ANGPT1: variants seen among roughly 807,000 people sequenced by gnomAD.
ANGPT1 encodes angiopoietin-1.
A neutral mutation model predicts 62.2 loss-of-function variants in ANGPT1; 17 were observed. The ratio of observed to expected loss-of-function variants is 0.27; its 90% CI spans 0.19 to 0.41. The LOEUF (loss-of-function observed/expected upper bound fraction) is 0.41. Ranked by LOEUF, ANGPT1 falls within the 10% of genes least tolerant of loss-of-function variation. The pLI is 1.00. For synonymous variants in ANGPT1, 199 were observed against 198.9 expected (o/e 1.00, Z 0.00); for missense variants, 478 against 594.9 (o/e 0.80, Z 2.04).
At chr8:107,479,145 T>C (rs1812612543) in intron 1 of ANGPT1, among the ~76,000 whole-genome samples, 1 of 152,016 alleles carries the variant, frequency 6.6e-6, no homozygotes, top group African/African-American at 2.4e-5. Flanking sequence ...TCCAGATTTT[T>C]TTTTTGTTTT....
chr8:107,370,407 A>AGAAAGAAG lies in ANGPT1; in HGVS notation c.298-23311_298-23310insCTTCTTTC, dbSNP rs149930759. 1.5e-4 allele frequency among the ~76,000 whole-genome samples: 11 copies of AGAAAGAAG among 71,940 alleles called. 3 individuals are homozygous for AGAAAGAAG. The highest frequency in any genetic ancestry group is 5.2e-4 in the African/African-American group (11 of 21,004). 47.2% of individuals were successfully genotyped at this position (71,940 alleles called of 152,430 possible). A position where few individuals can be genotyped will look rare whatever the true frequency, so the allele number is the denominator to read the frequency against. On this transcript the variant is annotated intron_variant, in intron 1 of 8. Transcript: ENST00000517746. ...AAGAAAGAAAGAAAGAAAGAAAGAA[A>AGAAAGAAG]GAGTCAGGGTCAGTGGCTCAGGCCT...
At chr8:107,325,651 T>C (rs769938366) in intron 3 of ANGPT1, among the ~76,000 whole-genome samples, 2 of 152,170 alleles carry the variant, frequency 1.3e-5, no homozygotes, top group Non-Finnish European at 2.9e-5. Flanking sequence ...CTGTAAAATA[T>C]AAAATGACAC....
At chr8:107,466,683 C>T (rs372793522) in intron 1 of ANGPT1, among the ~76,000 whole-genome samples, 15 of 151,896 alleles carry the variant, frequency 9.9e-5, no homozygotes, top group African/African-American at 2.9e-4. Context: ...AGAAAGAGGC[C>T]GGTGGATCAC....
At chr8:107,462,538 C>T (rs1287058033) in intron 1 of ANGPT1, among the ~76,000 whole-genome samples, 1 of 151,904 alleles carries the variant, frequency 6.6e-6, no homozygotes, top group African/African-American at 2.4e-5. Flanking sequence ...GGCACACATA[C>T]TTCATGTCAC....
At chr8:107,405,468 A>G (rs542865336) in intron 1 of ANGPT1, among the ~76,000 whole-genome samples, 3 of 152,092 alleles carry the variant, frequency 2.0e-5, no homozygotes, top group Non-Finnish European at 4.4e-5. Flanking sequence ...TCCACATCTG[A>G]CCTCATGTGA....
intron 2 of ANGPT1, among the ~76,000 whole-genome samples, chr8:107,342,141 C>T (rs925789212): frequency 2.0e-5 from 3 of 152,220 alleles, no homozygotes; most frequent in African/African-American, 7.2e-5. Context: ...TTGCAGTAGA[C>T]TGCTTCTGTT....
At chr8:107,452,860 TTAG>T (rs1480696778) in intron 1 of ANGPT1, among the ~76,000 whole-genome samples, 1 of 152,068 alleles carries the variant, frequency 6.6e-6, no homozygotes, top group Non-Finnish European at 1.5e-5. Context: ...TGTTTTTTGC[TTAG>T]TCTTCCTCAT....
At chr8:107,353,776 G>C (rs17369459) in intron 1 of ANGPT1, among the ~76,000 whole-genome samples, 1,719 of 152,298 alleles carry the variant, frequency 0.011, 22 homozygotes, top group Middle Eastern at 0.02. Context: ...CAGGTACAAA[G>C]AGTTGAGTCT....
At chr8:107,449,305 A>C (rs979762612) in intron 1 of ANGPT1, among the ~76,000 whole-genome samples, 2 of 151,884 alleles carry the variant, frequency 1.3e-5, no homozygotes, top group South Asian at 4.1e-4. Flanking sequence ...AACCTATTTA[A>C]TGAACTATGT....
chr8:107,397,797 T>C (rs1816965134), intron 1 of ANGPT1, among the ~76,000 whole-genome samples: 1 of 152,152 alleles, frequency 6.6e-6, no homozygotes, highest in African/African-American at 2.4e-5. Context: ...GTCATATTAT[T>C]AGCTCTCAAT....
At chr8:107,270,964 T>A (rs1813720052) in intron 7 of ANGPT1, among the ~76,000 whole-genome samples, 1 of 152,022 alleles carries the variant, frequency 6.6e-6, no homozygotes, top group African/African-American at 2.4e-5. Context: ...AAAAACATTT[T>A]AAAAATATAC....
At chr8:107,302,936 C>T (rs373942521) in intron 5 of ANGPT1, among the ~76,000 whole-genome samples, 12 of 151,928 alleles carry the variant, frequency 7.9e-5, no homozygotes, top group East Asian at 3.9e-4. Context: ...CATAGACTCA[C>T]GGTAGACATG....
intron 1 of ANGPT1, among the ~76,000 whole-genome samples, chr8:107,443,819 CAAAA>C (rs34247379): frequency 0.053 from 7,217 of 136,118 alleles, 583 homozygotes; most frequent in African/African-American, 0.18. Context: ...AACTATGTCT[CAAAA>C]AAAAAAAAAA....
At chr8:107,394,100 A>T (rs978815325) in intron 1 of ANGPT1, among the ~76,000 whole-genome samples, 2 of 152,154 alleles carry the variant, frequency 1.3e-5, no homozygotes, top group African/African-American at 4.8e-5. Flanking sequence ...CATTCTTGGG[A>T]CTGTGAAAGA....
At chr8:107,361,173 A>T (rs1349720709) in intron 1 of ANGPT1, among the ~76,000 whole-genome samples, 1 of 152,148 alleles carries the variant, frequency 6.6e-6, no homozygotes, top group Non-Finnish European at 1.5e-5. Flanking sequence ...ATATTAGAGC[A>T]TATTCTCATA....
chr8:107,470,534 C>T (rs747938748), intron 1 of ANGPT1, among the ~76,000 whole-genome samples: 2 of 152,058 alleles, frequency 1.3e-5, no homozygotes, highest in Admixed American at 1.3e-4. Flanking sequence ...GATATTAGCC[C>T]TTTGTCAGAT....
chr8:107,375,534 C>G (rs1816513131), intron 1 of ANGPT1, among the ~76,000 whole-genome samples: 1 of 152,160 alleles, frequency 6.6e-6, no homozygotes, highest in South Asian at 2.1e-4. Flanking sequence ...TCCACTGAAA[C>G]TAACATTCAA....
At chr8:107,281,088 T>G (rs1464547097) in intron 7 of ANGPT1, among the ~76,000 whole-genome samples, 4 of 152,186 alleles carry the variant, frequency 2.6e-5, no homozygotes, top group Non-Finnish European at 5.9e-5. Context: ...TCTGAGAAAA[T>G]TATTTGGAGT....
intron 1 of ANGPT1, among the ~76,000 whole-genome samples, chr8:107,476,196 C>G (rs1316732658): frequency 6.6e-6 from 1 of 152,100 alleles, no homozygotes; most frequent in Non-Finnish European, 1.5e-5. Context: ...AAATGCCCAT[C>G]AATGATAGAC....
Sources: gnomAD v4.1 joint callset for allele counts (sites outside exome capture counted in the v4.1 genomes callset) on GRCh38, gnomAD v4.1.1 for gene constraint, MANE v1.5 for transcripts, NCBI Gene and HGNC (gene_info 2026-07-23, HGNC 2026-07-21) for gene names.